NELL1: variants seen among roughly 807,000 people sequenced by gnomAD.
The protein encoded by NELL1 is neural EGFL like 1.
In NELL1, 76 loss-of-function variants were observed where a neutral mutation model predicts 107.4. The observed-to-expected ratio is 0.71, with a 90% CI of 0.59 to 0.86. The LOEUF (loss-of-function observed/expected upper bound fraction) is 0.86. NELL1 is among the 40% of genes least tolerant of loss of function. The pLI, the probability that NELL1 is intolerant of heterozygous loss-of-function variation, is 0.00. For synonymous variants in NELL1, 353 were observed against 341.2 expected (o/e 1.03, Z -0.38); for missense variants, 1,024 against 1,005.5 (o/e 1.02, Z -0.25).
At chr11:20,985,657 G>T (rs1442871522) in intron 12 of NELL1, among the ~76,000 whole-genome samples, 1 of 152,116 alleles carries the variant, frequency 6.6e-6, no homozygotes, top group Non-Finnish European at 1.5e-5. Context: ...GAAGTGGGGG[G>T]AAGAAGATTA....
intron 2 of NELL1, among the ~76,000 whole-genome samples, chr11:20,690,240 C>T (rs1324596594): frequency 2.6e-5 from 4 of 151,818 alleles, no homozygotes. Flanking sequence ...GTTGCCTGTT[C>T]ACTCTGATGG....
At chr11:21,326,971 TA>T (rs1168709012) in intron 14 of NELL1, among the ~76,000 whole-genome samples, 9 of 152,192 alleles carry the variant, frequency 5.9e-5, no homozygotes, top group African/African-American at 2.2e-4. Context: ...TTGTGTGTAT[TA>T]AAGTATAGGA....
intron 16 of NELL1, among the ~76,000 whole-genome samples, chr11:21,553,995 T>A (rs1417965815): frequency 6.6e-6 from 1 of 151,748 alleles, no homozygotes; most frequent in East Asian, 1.9e-4. Context: ...ACCCTCCTAC[T>A]CATAAGCAGA....
chr11:21,252,191 T>C (rs541247968), intron 14 of NELL1, among the ~76,000 whole-genome samples: 1 of 152,276 alleles, frequency 6.6e-6, no homozygotes, highest in East Asian at 1.9e-4. Context: ...CGAACTCAGG[T>C]CTGACTTCAA....
intron 14 of NELL1, among the ~76,000 whole-genome samples, chr11:21,254,268 T>TA (rs1364141393): frequency 6.6e-6 from 1 of 152,024 alleles, no homozygotes; most frequent in Non-Finnish European, 1.5e-5. Context: ...ATAAGACTAA[T>TA]TGCAAGACTA....
At chr11:21,525,389 T>C (rs1300012615) in intron 15 of NELL1, among the ~76,000 whole-genome samples, 5 of 152,200 alleles carry the variant, frequency 3.3e-5, no homozygotes, top group Non-Finnish European at 7.3e-5. Flanking sequence ...TTTGCGGAGA[T>C]TGTTCATACC....
intron 14 of NELL1, among the ~76,000 whole-genome samples, chr11:21,346,646 A>C (rs955250192): frequency 6.7e-6 from 1 of 148,166 alleles, no homozygotes; most frequent in African/African-American, 2.4e-5. Context: ...TAATTATATG[A>C]TATAATATCA....
chr11:21,244,656 A>G (rs903132058), intron 14 of NELL1, among the ~76,000 whole-genome samples: 1 of 152,252 alleles, frequency 6.6e-6, no homozygotes, highest in East Asian at 1.9e-4. Context: ...CACTTCTCTG[A>G]GTTTGCTCTC....
intron 15 of NELL1, among the ~76,000 whole-genome samples, chr11:21,491,658 T>G (rs1319734271): frequency 6.6e-6 from 1 of 152,174 alleles, no homozygotes; most frequent in Non-Finnish European, 1.5e-5. Flanking sequence ...TTCTTTTGGC[T>G]TAGGATTGTC....
intron 15 of NELL1, among the ~76,000 whole-genome samples, chr11:21,523,269 G>A (rs1218205395): frequency 2.0e-5 from 3 of 151,940 alleles, no homozygotes; most frequent in South Asian, 2.1e-4. Context: ...CAAATACATC[G>A]TTTGTATCCA....
At chr11:20,837,954 G>T (rs1276678461) in intron 3 of NELL1, among the ~76,000 whole-genome samples, 1 of 152,010 alleles carries the variant, frequency 6.6e-6, no homozygotes, top group Non-Finnish European at 1.5e-5. Context: ...CTCCTTAAGT[G>T]TGAGCTCCAC....
Position 20,669,740 on chromosome 11 carries a change from T to G in NELL1, c.17T>G (p.Ile6Ser). 5 of 1,612,794 alleles carry G rather than the reference T, an allele frequency of 3.1e-6. No homozygotes were observed. The highest frequency in any genetic ancestry group is 3.4e-6 in the Non-Finnish European group (4 of 1,179,282). Residue 6 changes from isoleucine to serine, a missense_variant, in exon 1 of 20, where the codon ATT becomes AGT. Transcript: ENST00000357134. This position sits in a 1 kb window ranked among gnomAD's most constrained non-coding sequence, Gnocchi z 4.4. MPMDL[I>S]LVVWFCVCTA... ...TCGAGAGCGATGCCGATGGATTTGA[T>G]TTTAGTTGTGTGGTTCTGTGTGTGC...
At chr11:21,061,352 T>C (rs1046548801) in intron 12 of NELL1, among the ~76,000 whole-genome samples, 13 of 152,174 alleles carry the variant, frequency 8.5e-5, no homozygotes, top group African/African-American at 3.1e-4. Context: ...TAGGATTGGC[T>C]TTATCAAAGA....
At chr11:21,297,827 A>C (rs1024648033) in intron 14 of NELL1, among the ~76,000 whole-genome samples, 7 of 151,942 alleles carry the variant, frequency 4.6e-5, no homozygotes, top group African/African-American at 1.7e-4. Flanking sequence ...AAGGGAAATC[A>C]TAGTAACCTC....
chr11:20,745,824 G>A (rs1007905154), intron 2 of NELL1, among the ~76,000 whole-genome samples: 1 of 152,172 alleles, frequency 6.6e-6, no homozygotes. Context: ...TCAAAGCAGG[G>A]AAATGACTTG....
At chr11:21,108,507 G>A (rs533006137) in intron 12 of NELL1, among the ~76,000 whole-genome samples, 2 of 152,100 alleles carry the variant, frequency 1.3e-5, no homozygotes, top group South Asian at 2.1e-4. Flanking sequence ...TTTCAAAAGC[G>A]ACAAGCAATT....
intron 15 of NELL1, among the ~76,000 whole-genome samples, chr11:21,376,732 G>A (rs1373249260): frequency 6.6e-6 from 1 of 152,016 alleles, no homozygotes; most frequent in African/African-American, 2.4e-5. Flanking sequence ...TATTATAGCA[G>A]TGCTTTGTAG....
chr11:21,257,638 T>TA (rs1417524412), intron 14 of NELL1, among the ~76,000 whole-genome samples: 1 of 151,956 alleles, frequency 6.6e-6, no homozygotes, highest in Non-Finnish European at 1.5e-5. Context: ...AGAGGAGTCA[T>TA]AGATGTTTCC....
chr11:21,136,446 C>CT (rs1270395978), intron 13 of NELL1, among the ~76,000 whole-genome samples: 1 of 152,146 alleles, frequency 6.6e-6, no homozygotes, highest in Non-Finnish European at 1.5e-5. Context: ...CTATTGGTGA[C>CT]ATCAGTAGTT....
Sources: gnomAD v4.1 joint callset for allele counts (sites outside exome capture counted in the v4.1 genomes callset) on GRCh38, gnomAD v4.1.1 for gene constraint, Gnocchi (gnomAD v3.1) non-coding constraint, MANE v1.5 for transcripts, NCBI Gene and HGNC (gene_info 2026-07-23, HGNC 2026-07-21) for gene names.